The following CSMD1 variants were observed in gnomAD, a reference collection of about 807,000 sequenced individuals.
CSMD1 encodes CUB and Sushi multiple domains 1.
CSMD1 carries 213 observed loss-of-function variants against 417.5 expected under a neutral mutation model. The observed-to-expected ratio is 0.51, with a 90% confidence interval of 0.46 to 0.57. CSMD1 has a LOEUF of 0.57. Ranked by LOEUF, CSMD1 falls within the 20% of genes least tolerant of loss-of-function variation. The pLI, the probability that CSMD1 is intolerant of heterozygous loss-of-function variation, is 0.00. For synonymous variants in CSMD1, 2,862 were observed against 1,736.8 expected (o/e 1.65, Z -16.11); for missense variants, 6,923 against 4,529.7 (o/e 1.53, Z -15.17).
intron 2 of CSMD1, among the ~76,000 whole-genome samples, chr8:4,577,990 T>G (rs530630598): frequency 1.3e-5 from 2 of 152,298 alleles, no homozygotes; most frequent in East Asian, 3.9e-4. Flanking sequence ...ATTTTGGACT[T>G]TCGGGGATCA....
chr8:3,852,506 G>C (rs1283425773), intron 5 of CSMD1, among the ~76,000 whole-genome samples: 1 of 152,190 alleles, frequency 6.6e-6, no homozygotes, highest in Non-Finnish European at 1.5e-5. Context: ...GCTGACAGTT[G>C]ACGATAAATT....
intron 2 of CSMD1, among the ~76,000 whole-genome samples, chr8:4,576,958 C>A (rs981648939): frequency 2.0e-5 from 3 of 152,182 alleles, no homozygotes. Flanking sequence ...AAGCTCTCAG[C>A]TAAGTTTTCT....
At chr8:3,623,247 C>T (rs1296978015) in intron 7 of CSMD1, among the ~76,000 whole-genome samples, 2 of 152,200 alleles carry the variant, frequency 1.3e-5, no homozygotes, top group African/African-American at 4.8e-5. Context: ...ATTAGATCTG[C>T]ACAAAACCTT....
intron 3 of CSMD1, among the ~76,000 whole-genome samples, chr8:4,101,988 C>A (rs769947688): frequency 6.6e-6 from 1 of 152,114 alleles, no homozygotes; most frequent in Non-Finnish European, 1.5e-5. Context: ...GTGTTGGGGA[C>A]TGGGGACCCG....
Position 4,525,933 on chromosome 8 carries a change from G to A in CSMD1, c.303-105868C>T, listed in dbSNP as rs375343788. ...CCTTAGTAACCACCTGAGACCAGGG[G>A]CAGAATATCCATGATAGATCTGGGT... is the stretch of plus-strand genomic sequence containing the variant. On this transcript the variant is annotated intron_variant, in intron 2 of 69. Coordinates refer to ENST00000635120, the MANE Select transcript of CSMD1 (RefSeq NM_033225.6). Among the ~76,000 whole-genome samples the A allele has an allele frequency of 3.2e-4, 48 of 152,248 alleles. No homozygotes were observed. In the East Asian group the frequency reaches 8.1e-3, roughly 26 times the overall value.
chr8:4,806,697 T>C (rs1715096769), intron 1 of CSMD1, among the ~76,000 whole-genome samples: 2 of 152,200 alleles, frequency 1.3e-5, no homozygotes, highest in South Asian at 4.1e-4. Flanking sequence ...CCTGTGAGTT[T>C]CATGTAGAGT....
intron 50 of CSMD1, among the ~76,000 whole-genome samples, chr8:3,036,453 A>T (rs986879945): frequency 2.0e-5 from 3 of 152,174 alleles, no homozygotes; most frequent in African/African-American, 7.2e-5. Context: ...CTTATAACCA[A>T]CTTTAATTGA....
chr8:3,463,124 A>C (rs1190884527), intron 12 of CSMD1, among the ~76,000 whole-genome samples: 2 of 152,010 alleles, frequency 1.3e-5, no homozygotes, highest in African/African-American at 4.8e-5. Flanking sequence ...CGCCAAGCCA[A>C]CTCTATCTCC....
chr8:3,966,576 C>T (rs1257395130), intron 5 of CSMD1, among the ~76,000 whole-genome samples: 1 of 151,962 alleles, frequency 6.6e-6, no homozygotes, highest in Non-Finnish European at 1.5e-5. Flanking sequence ...TTTCTGTAAA[C>T]ATTGGTTTGC....
At chr8:4,016,654 T>C (rs963809810) in intron 4 of CSMD1, among the ~76,000 whole-genome samples, 1 of 152,212 alleles carries the variant, frequency 6.6e-6, no homozygotes, top group Non-Finnish European at 1.5e-5. Flanking sequence ...TTCTACAGGT[T>C]TGTCTTACTC....
At chr8:4,106,514 G>T (rs985461067) in intron 3 of CSMD1, among the ~76,000 whole-genome samples, 2 of 152,034 alleles carry the variant, frequency 1.3e-5, no homozygotes, top group Non-Finnish European at 2.9e-5. Context: ...AACAGAATGA[G>T]AGCCTCCTAT....
At chr8:4,290,638 T>C (rs1797309852) in intron 3 of CSMD1, among the ~76,000 whole-genome samples, 1 of 152,222 alleles carries the variant, frequency 6.6e-6, no homozygotes, top group African/African-American at 2.4e-5. Flanking sequence ...AGATTCCTTG[T>C]GAGAAGTATA....
In CSMD1 at chr8:4,361,737, C is replaced by T. The variant is rs112051207; in HGVS notation, c.415+58216G>A. Among the ~76,000 whole-genome samples, 199 of 151,714 alleles carry T rather than the reference C, an allele frequency of 1.3e-3. 2 individuals are homozygous for T. Among genetic ancestry groups the T allele is most frequent in the African/African-American group, 4.6e-3 (190 of 41,510 alleles). The stretch of plus-strand genomic sequence containing the variant: ...TTGGGAGGCCGAAGTGGGCGGATCA[C>T]GAGGTCAGGAGATCGAGACCATCCT... On this transcript the variant is annotated intron_variant, in intron 3 of 69. Coordinates refer to ENST00000635120, the MANE Select transcript of CSMD1 (RefSeq NM_033225.6).
chr8:3,788,941 C>G (rs1032856595), intron 5 of CSMD1, among the ~76,000 whole-genome samples: 2 of 152,148 alleles, frequency 1.3e-5, no homozygotes, highest in South Asian at 2.1e-4. Flanking sequence ...ATTTCCTAGA[C>G]AGTATTGTAG....
intron 2 of CSMD1, among the ~76,000 whole-genome samples, chr8:4,456,545 C>A (rs1392597204): frequency 2.6e-5 from 4 of 152,084 alleles, no homozygotes; most frequent in Non-Finnish European, 5.9e-5. Context: ...GTAGTGACAC[C>A]ACTTTGGGTA....
chr8:4,101,406 G>T (rs964791463), intron 3 of CSMD1, among the ~76,000 whole-genome samples: 3 of 152,008 alleles, frequency 2.0e-5, no homozygotes, highest in East Asian at 3.9e-4. Flanking sequence ...AGGTTGGTTG[G>T]GCAGGTGAAT....
chr8:3,848,069 T>TTCTCTCTCTCTC, intron 5 of CSMD1, among the ~76,000 whole-genome samples: 1 of 133,458 alleles, frequency 7.5e-6, no homozygotes, highest in African/African-American at 2.7e-5. Flanking sequence ...CTGGTGATAT[T>TTCTCTCTCTCTC]TCTCTCTCTC....
rs1257374401 is a variant in CSMD1, at chr8:3,290,573, T to C, written c.3951-6227A>G. Among the ~76,000 whole-genome samples, 2 of 146,626 alleles carry C rather than the reference T, an allele frequency of 1.4e-5. 1 individual carries two copies. The highest frequency in any genetic ancestry group is 5.5e-5 in the African/African-American group (2 of 36,560). ...GTAAGTTGGATTGCTAGGTATTTTG[T>C]TCTCTTTGAAGCAATTGTGAATGGG... On this transcript the variant is annotated intron_variant, in intron 25 of 69. Coordinates refer to ENST00000635120, the MANE Select transcript of CSMD1 (RefSeq NM_033225.6).
At chr8:4,069,616 G>A (rs563064782) in intron 3 of CSMD1, among the ~76,000 whole-genome samples, 1 of 152,096 alleles carries the variant, frequency 6.6e-6, no homozygotes, top group Non-Finnish European at 1.5e-5. Context: ...ATACCATCTG[G>A]CCTGTATTCC....
Sources: allele counts gnomAD v4.1 joint callset (sites outside exome capture counted in the v4.1 genomes callset), GRCh38; gene constraint gnomAD v4.1.1; transcripts MANE v1.5; gene names NCBI Gene and HGNC (gene_info 2026-07-23, HGNC 2026-07-21).